Variants in IQCJ observed in about 807,000 individuals in gnomAD.
IQCJ encodes IQ domain-containing protein J.
In IQCJ, 9 loss-of-function variants were observed where a neutral mutation model predicts 11.0. That is an observed-to-expected ratio of 0.82 (90% CI 0.49 to 1.43). The LOEUF is 1.43. Ranked by LOEUF, IQCJ falls within the 40% of genes most tolerant of loss-of-function variation. The pLI is 0.00. For synonymous variants in IQCJ, 55 were observed against 51.3 expected (o/e 1.07, Z -0.31); for missense variants, 146 against 133.2 (o/e 1.10, Z -0.47).
At chr3:159,193,747 C>T (rs1723820534) in intron 1 of IQCJ, among the ~76,000 whole-genome samples, 1 of 152,184 alleles carries the variant, frequency 6.6e-6, no homozygotes, top group South Asian at 2.1e-4. Flanking sequence ...TTGGTCTTCT[C>T]AAGGGATAGT....
chr3:159,260,334 C>A (rs1224803393), intron 3 of IQCJ, among the ~76,000 whole-genome samples: 2 of 152,008 alleles, frequency 1.3e-5, no homozygotes, highest in South Asian at 4.1e-4. Flanking sequence ...ATAATGAAGA[C>A]GATTTAAAGG....
At chr3:159,118,138 A>T (rs2108134785) in intron 1 of IQCJ, among the ~76,000 whole-genome samples, 1 of 152,354 alleles carries the variant, frequency 6.6e-6, no homozygotes, top group Middle Eastern at 3.4e-3. Context: ...TCATAACATC[A>T]GCAATTATAA....
chr3:159,189,912 T>C (rs1723587157), intron 1 of IQCJ, among the ~76,000 whole-genome samples: 2 of 152,184 alleles, frequency 1.3e-5, no homozygotes, highest in Admixed American at 1.3e-4. Context: ...AGTCTGCACT[T>C]ATGCTAGGGT....
At chr3:159,240,011 C>T (rs188667306) in intron 1 of IQCJ, among the ~76,000 whole-genome samples, 22 of 151,630 alleles carry the variant, frequency 1.5e-4, no homozygotes, top group Admixed American at 6.6e-5. Flanking sequence ...TTAAGCAACA[C>T]GAGACAATAT....
intron 1 of IQCJ, among the ~76,000 whole-genome samples, chr3:159,151,856 A>G (rs749311988): frequency 6.6e-6 from 1 of 152,142 alleles, no homozygotes; most frequent in African/African-American, 2.4e-5. Flanking sequence ...AGATGGTCTC[A>G]ATCTCCCAAC....
intron 3 of IQCJ, among the ~76,000 whole-genome samples, chr3:159,256,917 C>T (rs140800690): frequency 6.6e-6 from 1 of 152,140 alleles, no homozygotes; most frequent in African/African-American, 2.4e-5. Context: ...ATACATTATC[C>T]TTGACTTCTT....
At chr3:159,143,545 CAGAGCGTGGGTCAT>C (rs1720750155) in intron 1 of IQCJ, among the ~76,000 whole-genome samples, 1 of 152,116 alleles carries the variant, frequency 6.6e-6, no homozygotes, top group African/African-American at 2.4e-5. Context: ...GCCTTAAACC[CAGAGCGTGGGTCAT>C]TGTTCTTCTC....
chr3:159,245,399 C>G (rs1353034603), intron 1 of IQCJ, among the ~76,000 whole-genome samples: 1 of 150,202 alleles, frequency 6.7e-6, no homozygotes, highest in Non-Finnish European at 1.5e-5. Context: ...CTAACTTGAT[C>G]AAGGATCATG....
At chr3:159,193,540 A>C (rs1463928345) in intron 1 of IQCJ, among the ~76,000 whole-genome samples, 2 of 152,166 alleles carry the variant, frequency 1.3e-5, no homozygotes, top group African/African-American at 4.8e-5. Context: ...AAAGTGGTTT[A>C]CTTGGTTTAA....
At chr3:159,156,044 C>T (rs1387155919) in intron 1 of IQCJ, among the ~76,000 whole-genome samples, 1 of 152,164 alleles carries the variant, frequency 6.6e-6, no homozygotes, top group East Asian at 1.9e-4. Context: ...AAAGGAATGG[C>T]AGAGACACTA....
chr3:159,223,376 T>C (rs906049111), intron 1 of IQCJ, among the ~76,000 whole-genome samples: 1 of 152,166 alleles, frequency 6.6e-6, no homozygotes, highest in African/African-American at 2.4e-5. Context: ...AGGAGTATAA[T>C]ATATGTAAAA....
At chr3:159,225,458 C>G (rs540874876) in intron 1 of IQCJ, among the ~76,000 whole-genome samples, 1 of 151,912 alleles carries the variant, frequency 6.6e-6, no homozygotes, top group Non-Finnish European at 1.5e-5. Flanking sequence ...GCATCTTGAT[C>G]GTAGTAGTTG....
At chr3:159,156,854 T>C (rs1394298011) in intron 1 of IQCJ, among the ~76,000 whole-genome samples, 1 of 152,212 alleles carries the variant, frequency 6.6e-6, no homozygotes, top group African/African-American at 2.4e-5. Flanking sequence ...GCCTATCCAA[T>C]GATTAATAAC....
chr3:159,215,360 T>C (rs1441355347), intron 1 of IQCJ, among the ~76,000 whole-genome samples: 1 of 152,146 alleles, frequency 6.6e-6, no homozygotes, highest in Non-Finnish European at 1.5e-5. Flanking sequence ...AATGACCTGC[T>C]CAGGTGAAGG....
At position 159,109,376 on chromosome 3, in the gene IQCJ, G is replaced by A. The variant is rs369792878; in HGVS notation, c.9+39935G>A. Among the ~76,000 whole-genome samples, 7 of 152,092 alleles carry A rather than the reference G, an allele frequency of 4.6e-5. No individual in the cohort carries two copies. The East Asian group carries it at 1.2e-3, about 25-fold the overall frequency. On this transcript the variant is annotated intron_variant, in intron 1 of 3. Transcript: ENST00000397832. Reference sequence around the variant, plus strand: ...CCACAAGAGTTACTTGGAGCCTTAAGGAGCCTTAAGTTAATGATCTCACAT... The same window carrying A: ...CCACAAGAGTTACTTGGAGCCTTAAAGAGCCTTAAGTTAATGATCTCACAT...
intron 1 of IQCJ, among the ~76,000 whole-genome samples, chr3:159,104,432 T>C (rs974411806): frequency 1.3e-5 from 2 of 152,256 alleles, no homozygotes; most frequent in African/African-American, 4.8e-5. Context: ...ACATAGTCAC[T>C]GTGTGTAAGT....
At chr3:159,244,871 G>T (rs141220757) in intron 1 of IQCJ, among the ~76,000 whole-genome samples, 1 of 152,274 alleles carries the variant, frequency 6.6e-6, no homozygotes, top group African/African-American at 2.4e-5. Context: ...CTTGGGACTG[G>T]TCACTTTGAC....
chr3:159,079,978 A>G (rs1257722209), intron 1 of IQCJ, among the ~76,000 whole-genome samples: 1 of 152,048 alleles, frequency 6.6e-6, no homozygotes, highest in East Asian at 1.9e-4. Context: ...TACCCTCATT[A>G]TTAGTACAAG....
intron 1 of IQCJ, among the ~76,000 whole-genome samples, chr3:159,222,842 C>A (rs138501207): frequency 4.6e-5 from 7 of 151,844 alleles, no homozygotes; most frequent in Non-Finnish European, 1.0e-4. Flanking sequence ...CTATAAACAG[C>A]GACCTCTGTA....
Sources: allele counts gnomAD v4.1 joint callset (sites outside exome capture counted in the v4.1 genomes callset), GRCh38; gene constraint gnomAD v4.1.1; transcripts MANE v1.5; gene names NCBI Gene and HGNC (gene_info 2026-07-23, HGNC 2026-07-21).